Variants in CAMK2A observed in about 807,000 individuals in gnomAD.
The protein encoded by CAMK2A is calcium/calmodulin-dependent protein kinase type II subunit alpha.
In CAMK2A, 7 loss-of-function variants were observed where a neutral mutation model predicts 79.2. The observed-to-expected ratio is 0.09, with a 90% CI of 0.05 to 0.17. The LOEUF is 0.17. Ranked by LOEUF, CAMK2A falls within the 10% of genes least tolerant of loss-of-function variation. The probability of loss-of-function intolerance (pLI) is 1.00; values close to 1 mark genes in which losing one functional copy is unlikely to be tolerated. For synonymous variants in CAMK2A, 242 were observed against 251.7 expected, an observed-to-expected ratio of 0.96 and a Z score of 0.36; for missense variants, 214 against 646.4, an observed-to-expected ratio of 0.33 and a Z score of 7.25.
chr5:150,250,336 G>A (rs750963141), intron 10 of CAMK2A, 27 bp from the exon 11 acceptor site: 2 of 1,596,378 alleles, frequency 1.3e-6, no homozygotes, highest in Non-Finnish European at 1.7e-6. Flanking sequence ...AGAGGGCTGT[G>A]AGTGGAAGGC....
chr5:150,252,969 T>C (rs1170072252), intron 7 of CAMK2A, among the ~76,000 whole-genome samples: 1 of 152,224 alleles, frequency 6.6e-6, no homozygotes, highest in Non-Finnish European at 1.5e-5. Context: ...GACCCAGTTA[T>C]ACCAAAATCA....
chr5:150,239,730 T>A lies in CAMK2A; in HGVS notation c.991A>T (p.Lys331Ter). The change falls in exon 14 of 19, where the codon AAG becomes TAG. Residue 331 changes from lysine (K) to a stop codon, truncating the protein, a stop_gained. Transcript: ENST00000671881. LOFTEE classifies it high-confidence loss of function. ...NKKSDGVKKR[K>*]SSSSVQLMES... Reference sequence around the variant, plus strand: ...ATTAACTGAACGCTGGAACTGGACTTTCTTTTCTGGAAAAACAAGGAGAAG... The same window carrying A: ...ATTAACTGAACGCTGGAACTGGACTATCTTTTCTGGAAAAACAAGGAGAAG... The A allele has an allele frequency of 1.9e-6, 3 of 1,613,958 alleles. No individual in the cohort carries two copies. Among genetic ancestry groups the A allele is most frequent in the Non-Finnish European group, 2.5e-6 (3 of 1,179,834 alleles).
rs73796394 is a variant in CAMK2A, at chr5:150,278,610, A to G, written c.63-5451T>C. Among the ~76,000 whole-genome samples, 983 of 152,202 alleles carry G rather than the reference A, an allele frequency of 6.5e-3. 9 individuals carry two copies. The highest frequency in any genetic ancestry group is 0.022 in the African/African-American group (903 of 41,514). The stretch of plus-strand genomic sequence containing the variant: ...TGGGAAGCGATGGCCAAGAGTCCCA[A>G]GAGGAAGGGATGAGGCCTGGGTGTG... On this transcript the variant is annotated intron_variant, in intron 1 of 18. Transcript: ENST00000671881.
At chr5:150,236,436 A>C (rs1755063725) in intron 15 of CAMK2A, among the ~76,000 whole-genome samples, 1 of 152,216 alleles carries the variant, frequency 6.6e-6, no homozygotes, top group Non-Finnish European at 1.5e-5. Flanking sequence ...CTACATGTGC[A>C]CTTCATATGC....
chr5:150,245,788 T>C (rs1260062610), intron 12 of CAMK2A, among the ~76,000 whole-genome samples: 5 of 152,040 alleles, frequency 3.3e-5, no homozygotes, highest in Non-Finnish European at 7.4e-5. Context: ...AACCTCAGAC[T>C]CCAGAGCCCC....
chr5:150,275,861 C>T (rs142927681), intron 1 of CAMK2A, among the ~76,000 whole-genome samples: 2 of 152,034 alleles, frequency 1.3e-5, no homozygotes, highest in Non-Finnish European at 2.9e-5. Context: ...CTTAAGAGAC[C>T]TTTATGGAGG....
At chr5:150,286,297 A>G (rs1300902952) in intron 1 of CAMK2A, among the ~76,000 whole-genome samples, 1 of 152,214 alleles carries the variant, frequency 6.6e-6, no homozygotes, top group Non-Finnish European at 1.5e-5. Context: ...TGGAACCTGC[A>G]GTCGAGTAGC....
chr5:150,251,628 G>A lies in CAMK2A; in HGVS notation c.693+122C>T, dbSNP rs1188112416. ...CACAGCATGGTAACCACCTGGCCCTGGTCAGTCTTCATGCTCCCCTGGGGT... is the reference window on the plus strand; with the variant it reads ...CACAGCATGGTAACCACCTGGCCCTAGTCAGTCTTCATGCTCCCCTGGGGT... On this transcript the variant is annotated intron_variant, in intron 9 of 18. Transcript: ENST00000671881. The A allele has an allele frequency of 7.6e-6, 5 of 655,048 alleles. 1 individual carries two copies. In the South Asian group the frequency reaches 1.2e-4, roughly 16 times the overall value. 40.6% of individuals were successfully genotyped at this position (655,048 alleles called of 1,614,324 possible). A position where few individuals can be genotyped will look rare whatever the true frequency, so the allele number is the denominator to read the frequency against.
intron 1 of CAMK2A, 141 bp from the exon 2 acceptor site, chr5:150,273,300 C>T: frequency 1.6e-6 from 1 of 628,846 alleles, no homozygotes; most frequent in South Asian, 2.0e-5. Flanking sequence ...GCTTCTGTGA[C>T]CCAACTCAGG....
At chr5:150,271,297 C>A (rs1756738118) in intron 2 of CAMK2A, among the ~76,000 whole-genome samples, 1 of 152,192 alleles carries the variant, frequency 6.6e-6, no homozygotes, top group South Asian at 2.1e-4. Context: ...TTCAGAGACC[C>A]TCACCCTAAC....
At chr5:150,268,030 T>G (rs1311294700) in intron 2 of CAMK2A, among the ~76,000 whole-genome samples, 3 of 151,952 alleles carry the variant, frequency 2.0e-5, no homozygotes, top group African/African-American at 7.3e-5. Flanking sequence ...CATGCCACCA[T>G]GCCAGGCTAA....
At chr5:150,268,271 T>C (rs543518646) in intron 2 of CAMK2A, among the ~76,000 whole-genome samples, 360 of 152,290 alleles carry the variant, frequency 2.4e-3, no homozygotes, top group African/African-American at 8.4e-3. Context: ...AACTCCTCAC[T>C]GGGTCCGGCC....
In CAMK2A at chr5:150,273,164, G is replaced by T. The variant is rs1435850327; in HGVS notation, c.63-5C>A. On this transcript the variant is annotated splice_polypyrimidine_tract_variant and splice_region_variant and intron_variant, in intron 1 of 18. Transcript: ENST00000671881. ...CGCACCACCGAGAAGGCTCCCCTAG[G>T]AGGACAGAGAAGGTGGAGAGGGTGA... The T allele has an allele frequency of 6.2e-7, 1 of 1,611,352 alleles. No individual in the cohort carries two copies. The highest frequency in any genetic ancestry group is 8.5e-7 in the Non-Finnish European group (1 of 1,178,316).
At chr5:150,249,044 G>A (rs1013079437) in intron 11 of CAMK2A, among the ~76,000 whole-genome samples, 2 of 152,202 alleles carry the variant, frequency 1.3e-5, no homozygotes, top group African/African-American at 4.8e-5. Flanking sequence ...GATGGGGATG[G>A]GACTCAGTTC....
intron 2 of CAMK2A, among the ~76,000 whole-genome samples, chr5:150,267,358 C>G (rs1271822335): frequency 6.6e-6 from 1 of 152,194 alleles, no homozygotes; most frequent in African/African-American, 2.4e-5. Flanking sequence ...CTGGCTTAGG[C>G]TATACATTCA....
chr5:150,239,107 G>A (rs948313723), intron 14 of CAMK2A, among the ~76,000 whole-genome samples: 2 of 152,142 alleles, frequency 1.3e-5, no homozygotes, highest in Non-Finnish European at 2.9e-5. Context: ...TGGCAGGGGA[G>A]GAAGAGAGAG....
intron 11 of CAMK2A, among the ~76,000 whole-genome samples, 180 bp downstream of exon 11, chr5:150,250,046 G>T (rs1183579057): frequency 6.6e-6 from 1 of 152,210 alleles, no homozygotes; most frequent in Non-Finnish European, 1.5e-5. Flanking sequence ...TAGAGCAAGG[G>T]CTCAGTCATT....
intron 10 of CAMK2A, 34 bp from the exon 11 acceptor site, chr5:150,250,343 A>C: frequency 6.3e-7 from 1 of 1,583,478 alleles, no homozygotes; most frequent in Non-Finnish European, 8.7e-7. Flanking sequence ...TGTGAGTGGA[A>C]GGCAGGCTGG....
Position 150,223,245 on chromosome 5 carries a change from G to A in CAMK2A, c.1238-28C>T, listed in dbSNP as rs766474576. On this transcript the variant is annotated intron_variant, in intron 17 of 18. Coordinates refer to ENST00000671881, the MANE Select transcript of CAMK2A (RefSeq NM_015981.4). This position sits in a 1 kb window ranked among gnomAD's most constrained non-coding sequence, Gnocchi z 4.1. ...GGAGGAGGGGATGGGAGGGGCAGAGGAGATGCAACCGGGGGCCTCCTGTCT... is the reference window on the plus strand; with the variant it reads ...GGAGGAGGGGATGGGAGGGGCAGAGAAGATGCAACCGGGGGCCTCCTGTCT... 2.6e-5 allele frequency: 41 copies of A among 1,582,046 alleles called. No individual in the cohort carries two copies. Among genetic ancestry groups the A allele is most frequent in the African/African-American group, 4.0e-5 (3 of 74,296 alleles).
Sources: allele counts gnomAD v4.1 joint callset (sites outside exome capture counted in the v4.1 genomes callset), GRCh38; gene constraint gnomAD v4.1.1; non-coding constraint Gnocchi (gnomAD v3.1); transcripts MANE v1.5; gene names NCBI Gene and HGNC (gene_info 2026-07-23, HGNC 2026-07-21).